The following GPC1 variants were observed in gnomAD, a reference collection of about 807,000 sequenced individuals.
GPC1 encodes glypican-1.
Under a neutral mutation model 51.5 loss-of-function variants are expected in GPC1, and 26 were observed. That is an observed-to-expected ratio of 0.50 (90% CI 0.37 to 0.70). The LOEUF is 0.70. GPC1 is among the 30% of genes least tolerant of loss of function. GPC1 has a pLI of 0.00. For synonymous variants in GPC1, 380 were observed against 348.3 expected (o/e 1.09, Z -1.01); for missense variants, 775 against 800.5 (o/e 0.97, Z 0.38).
intron 1 of GPC1, among the ~76,000 whole-genome samples, chr2:240,438,070 G>A (rs1465606488): frequency 6.6e-6 from 1 of 152,202 alleles, no homozygotes; most frequent in Non-Finnish European, 1.5e-5. Context: ...GGCAGGGGAT[G>A]CTGTCCACCC....
intron 1 of GPC1, among the ~76,000 whole-genome samples, chr2:240,446,912 CT>C (rs912166363): frequency 1.1e-4 from 17 of 152,162 alleles, no homozygotes; most frequent in African/African-American, 4.1e-4. Flanking sequence ...AGCAGTGGAG[CT>C]GCACGGCTGG....
intron 1 of GPC1, chr2:240,457,912 C>T (rs1434029171): frequency 2.7e-6 from 1 of 370,412 alleles, no homozygotes; most frequent in Non-Finnish European, 5.7e-6. Flanking sequence ...TGACAACGCC[C>T]CCCCTTGACC....
At chr2:240,465,051 C>A in intron 6 of GPC1, 26 bp from the exon 7 acceptor site, 1 of 1,588,530 alleles carries the variant, frequency 6.3e-7, no homozygotes, top group Non-Finnish European at 8.6e-7. Flanking sequence ...CCCTGGCAGC[C>A]CAGTGGCCTG....
Position 240,448,268 on chromosome 2 carries a change from G to A in GPC1, c.167-10762G>A, listed in dbSNP as rs2074065972. ...TGGGGCTGGTTCGTTCCCCCAGGCT[G>A]TCTGCCTCCTGGATCTCATGTGCCC... On this transcript the variant is annotated intron_variant, in intron 1 of 8. Coordinates refer to ENST00000264039, the MANE Select transcript of GPC1 (RefSeq NM_002081.3). This position sits in a 1 kb window ranked among gnomAD's most constrained non-coding sequence, Gnocchi z 4.5. Among the ~76,000 whole-genome samples the A allele has an allele frequency of 6.6e-6, 1 of 152,122 alleles. No homozygotes were observed. Among genetic ancestry groups the A allele is most frequent in the Non-Finnish European group, 1.5e-5 (1 of 68,004 alleles).
intron 2 of GPC1, 64 bp from the exon 3 acceptor site, chr2:240,462,127 G>T (rs1013475307): frequency 2.1e-6 from 3 of 1,458,324 alleles, no homozygotes; most frequent in South Asian, 2.7e-5. Context: ...TGAGTCCCCT[G>T]CTCTGGTCCA....
Position 240,465,662 on chromosome 2 carries a change from C to G in GPC1, c.1444+14C>G. 1 of 1,610,800 alleles carries G rather than the reference C, an allele frequency of 6.2e-7. No individual in the cohort carries two copies. Among genetic ancestry groups the G allele is most frequent in the Non-Finnish European group, 8.5e-7 (1 of 1,178,568 alleles). ...TCCAGGACGCCAGTGAGGGCAGGGC[C>G]TGGCCGGGCGGCCAAGGGGCCAGGG... On this transcript the variant is annotated intron_variant, in intron 8 of 8. Coordinates refer to ENST00000264039, the MANE Select transcript of GPC1 (RefSeq NM_002081.3).
intron 1 of GPC1, 135 bp from the exon 2 acceptor site, chr2:240,458,895 C>T (rs2074192876): frequency 1.4e-6 from 1 of 715,988 alleles, no homozygotes; most frequent in African/African-American, 1.8e-5. Context: ...TCACCCAGGG[C>T]ACCCCCCAGG....
rs1024579932 is a variant in GPC1, at chr2:240,454,747, C to T, written c.167-4283C>T. The T allele has an allele frequency of 1.9e-5, 3 of 154,352 alleles. No individual in the cohort carries two copies. The South Asian group carries it at 5.7e-4, about 29-fold the overall frequency. The allele number at this position is 154,352 out of a possible 1,614,324, so 9.6% of individuals were successfully genotyped here. A position where few individuals can be genotyped will look rare whatever the true frequency, so the allele number is the denominator to read the frequency against. ...GATAAAGCCGGCTTTACAGTCTGCA[C>T]CTCCTGTGTGAGCCGTGGAAGCTTC... is the stretch of plus-strand genomic sequence containing the variant. On this transcript the variant is annotated intron_variant, in intron 1 of 8. Transcript: ENST00000264039.
At position 240,466,044 on chromosome 2, in the gene GPC1, C is replaced by T. The variant is rs760288769; in HGVS notation, c.1445-14C>T. On this transcript the variant is annotated splice_polypyrimidine_tract_variant and intron_variant, in intron 8 of 8. Coordinates refer to ENST00000264039, the MANE Select transcript of GPC1 (RefSeq NM_002081.3). The stretch of plus-strand genomic sequence containing the variant: ...TGTGGGGACCTGCCTGCCGGAGCCT[C>T]CTCTCCTTCCCAGGTGACGACGGCA... The T allele has an allele frequency of 2.5e-6, 4 of 1,578,436 alleles. No individual in the cohort carries two copies. The African/African-American group carries it at 5.4e-5, about 21-fold the overall frequency.
At chr2:240,444,166 T>TCAGCC (rs1452802912) in intron 1 of GPC1, among the ~76,000 whole-genome samples, 1 of 152,262 alleles carries the variant, frequency 6.6e-6, no homozygotes, top group Non-Finnish European at 1.5e-5. Context: ...CCGGCCAGCC[T>TCAGCC]CAGCCCAGCC....
intron 1 of GPC1, chr2:240,451,053 C>A: frequency 2.2e-6 from 1 of 458,678 alleles, no homozygotes; most frequent in Non-Finnish European, 4.5e-6. Flanking sequence ...CCACCATGAC[C>A]ACAGAGATGG....
At chr2:240,444,960 G>A (rs1429636960) in intron 1 of GPC1, among the ~76,000 whole-genome samples, 1 of 152,216 alleles carries the variant, frequency 6.6e-6, no homozygotes, top group African/African-American at 2.4e-5. Flanking sequence ...CAAAGCTGAT[G>A]CCACCTGCCA....
At chr2:240,465,771 T>A in intron 8 of GPC1, 123 bp downstream of exon 8, 1 of 813,098 alleles carries the variant, frequency 1.2e-6, no homozygotes, top group Non-Finnish European at 2.0e-6. Context: ...CCACAGTGAG[T>A]CTGAGGACGC....
intron 1 of GPC1, among the ~76,000 whole-genome samples, chr2:240,457,720 C>G (rs952497494): frequency 2.0e-5 from 3 of 152,156 alleles, no homozygotes; most frequent in African/African-American, 7.2e-5. Context: ...CCCTCGGTCC[C>G]GGTCCTGGCT....
chr2:240,456,037 C>T (rs773885113), intron 1 of GPC1: 2 of 420,168 alleles, frequency 4.8e-6, no homozygotes, highest in Non-Finnish European at 9.7e-6. Flanking sequence ...TCTTCACTCC[C>T]GTGCTTGTCC....
chr2:240,452,414 T>G (rs1228125169), intron 1 of GPC1: 1 of 152,222 alleles, frequency 6.6e-6, no homozygotes, highest in Non-Finnish European at 1.5e-5. Flanking sequence ...CAGCTTTGCG[T>G]GAGGACAGCG....
Position 240,466,547 on chromosome 2 carries a change from G to A in GPC1, c.*257G>A, listed in dbSNP as rs998149583. ...AGCCATGTATTTCAGGGACCTCAGG[G>A]GCACCTCCGGCTGCCTAGCCCTCCC... On this transcript the variant is annotated 3_prime_UTR_variant, in exon 9 of 9. Coordinates refer to ENST00000264039, the MANE Select transcript of GPC1 (RefSeq NM_002081.3). 2.0e-6 allele frequency: 1 copy of A among 508,392 alleles called. No homozygotes were observed. The allele number at this position is 508,392 out of a possible 1,614,324, so 31.5% of individuals were successfully genotyped here.
chr2:240,457,240 TAAG>T (rs2074174229), intron 1 of GPC1, among the ~76,000 whole-genome samples: 2 of 152,080 alleles, frequency 1.3e-5, no homozygotes, highest in African/African-American at 4.8e-5. Flanking sequence ...CGCTCCAGGA[TAAG>T]AACCCCTACC....
intron 1 of GPC1, 58 bp from the exon 2 acceptor site, chr2:240,458,972 C>T: frequency 1.3e-6 from 2 of 1,526,454 alleles, no homozygotes; most frequent in South Asian, 2.3e-5. Flanking sequence ...CTGAGGGTGC[C>T]CTCCTGGCTC....
Sources: gnomAD v4.1 joint callset for allele counts (sites outside exome capture counted in the v4.1 genomes callset) on GRCh38, gnomAD v4.1.1 for gene constraint, Gnocchi (gnomAD v3.1) non-coding constraint, MANE v1.5 for transcripts, NCBI Gene and HGNC (gene_info 2026-07-23, HGNC 2026-07-21) for gene names.